The following ZEB2 variants were observed in gnomAD, a reference collection of about 807,000 sequenced individuals.
ZEB2 encodes the protein zinc finger E-box-binding homeobox 2.
Under a neutral mutation model 99.9 loss-of-function variants are expected in ZEB2, and 6 were observed. The observed-to-expected ratio is 0.06, with a 90% CI of 0.03 to 0.12. The LOEUF is 0.12. ZEB2 is among the 10% of genes least tolerant of loss of function. The probability of loss-of-function intolerance (pLI) is 1.00; values close to 1 mark genes in which losing one functional copy is unlikely to be tolerated. For synonymous variants in ZEB2, 517 were observed against 542.5 expected (o/e 0.95, Z 0.65); for missense variants, 969 against 1,502.8 (o/e 0.64, Z 5.87).
chr2:144,431,711 C>T (rs1359893546), intron 2 of ZEB2, among the ~76,000 whole-genome samples: 1 of 150,278 alleles, frequency 6.7e-6, no homozygotes, highest in Admixed American at 6.7e-5. Context: ...GCTGTGTGGT[C>T]CAGATATACC....
chr2:144,473,335 A>C (rs1704385070), intron 2 of ZEB2, among the ~76,000 whole-genome samples: 1 of 152,162 alleles, frequency 6.6e-6, no homozygotes, highest in Non-Finnish European at 1.5e-5. Context: ...CATGGTATTG[A>C]ATTTGCCAAA....
chr2:144,464,617 A>G (rs979008899), intron 2 of ZEB2, among the ~76,000 whole-genome samples: 5 of 152,196 alleles, frequency 3.3e-5, no homozygotes, highest in Non-Finnish European at 7.4e-5. Context: ...TACATTAATA[A>G]GCATAATTGT....
chr2:144,467,213 A>T (rs920809337), intron 2 of ZEB2, among the ~76,000 whole-genome samples: 4 of 152,030 alleles, frequency 2.6e-5, no homozygotes, highest in Admixed American at 6.6e-5. Context: ...AATAATTTTT[A>T]AAATGTGAAT....
intron 3 of ZEB2, chr2:144,426,468 C>G (rs1314444332): frequency 6.6e-6 from 1 of 151,210 alleles, no homozygotes; most frequent in Non-Finnish European, 1.5e-5. Flanking sequence ...CATCTGAGAG[C>G]ACATCAAGTC....
At chr2:144,464,817 C>T (rs1339356761) in intron 2 of ZEB2, among the ~76,000 whole-genome samples, 1 of 152,196 alleles carries the variant, frequency 6.6e-6, no homozygotes, top group Non-Finnish European at 1.5e-5. Context: ...CTTTTACATA[C>T]ATTCCAGACA....
intron 2 of ZEB2, among the ~76,000 whole-genome samples, chr2:144,474,349 C>T (rs1281872674): frequency 6.6e-6 from 1 of 152,162 alleles, no homozygotes; most frequent in Admixed American, 6.5e-5. Context: ...AACTCTTTTC[C>T]ATGTTAGCAC....
chr2:144,404,324 A>G (rs922501515), intron 5 of ZEB2, among the ~76,000 whole-genome samples, 194 bp from the exon 6 acceptor site: 5 of 132,366 alleles, frequency 3.8e-5, no homozygotes, highest in African/African-American at 1.1e-4. Flanking sequence ...GAATCAGCTC[A>G]CACTGTGCTC....
At chr2:144,401,065 GCACA>G in intron 7 of ZEB2, 130 bp downstream of exon 7, 1 of 791,934 alleles carries the variant, frequency 1.3e-6, no homozygotes, top group Non-Finnish European at 2.2e-6. Flanking sequence ...CACAAATCAG[GCACA>G]CAGAGTTGAT....
At chr2:144,503,408 C>T (rs551138766) in intron 2 of ZEB2, among the ~76,000 whole-genome samples, 38 of 152,294 alleles carry the variant, frequency 2.5e-4, no homozygotes, top group African/African-American at 8.7e-4. Flanking sequence ...AAAACTGTGC[C>T]GTCACACCAC....
At chr2:144,413,510 A>AT (rs544709698) in intron 4 of ZEB2, among the ~76,000 whole-genome samples, 62 of 152,192 alleles carry the variant, frequency 4.1e-4, no homozygotes, top group African/African-American at 1.4e-3. Context: ...CACTACTTCT[A>AT]TTTTTCTCTC....
intron 2 of ZEB2, among the ~76,000 whole-genome samples, chr2:144,430,271 A>G (rs1703752645): frequency 6.6e-6 from 1 of 152,222 alleles, no homozygotes; most frequent in Non-Finnish European, 1.5e-5. Flanking sequence ...AAAAAGCAAC[A>G]GAAACATAGA....
intron 2 of ZEB2, among the ~76,000 whole-genome samples, chr2:144,434,253 G>A (rs1222762788): frequency 2.0e-5 from 3 of 152,112 alleles, no homozygotes; most frequent in Admixed American, 2.0e-4. Context: ...CTACTCAAGC[G>A]TGCCAATAAA....
At chr2:144,518,814 A>G (rs1332245977) in intron 1 of ZEB2, 2 of 152,228 alleles carry the variant, frequency 1.3e-5, no homozygotes, top group East Asian at 1.9e-4. Context: ...TGGCCTGTCT[A>G]TATTCATCCT....
At chr2:144,434,202 C>T (rs1458970355) in intron 2 of ZEB2, among the ~76,000 whole-genome samples, 1 of 152,146 alleles carries the variant, frequency 6.6e-6, no homozygotes, top group East Asian at 1.9e-4. Context: ...TTATAGACAG[C>T]TAATTGTTAA....
chr2:144,432,806 TCTTAATAATGTAG>T (rs56795864), intron 2 of ZEB2, among the ~76,000 whole-genome samples: 9,900 of 152,214 alleles, frequency 0.065, 921 homozygotes, highest in African/African-American at 0.21. Context: ...GCAGAAGAGA[TCTTAATAATGTAG>T]CTTTGTCTCT....
chr2:144,392,142 A>G (rs559465283), intron 9 of ZEB2, among the ~76,000 whole-genome samples: 7 of 152,356 alleles, frequency 4.6e-5, no homozygotes, highest in African/African-American at 1.4e-4. Context: ...GAAATTATAG[A>G]TGAAAATTTT....
chr2:144,519,770 A>T, intron 1 of ZEB2, 169 bp downstream of exon 1: 1 of 350,748 alleles, frequency 2.9e-6, no homozygotes, highest in Non-Finnish European at 5.6e-6. Flanking sequence ...CTCTTGAGAA[A>T]AGCTTGCCAT....
intron 9 of ZEB2, among the ~76,000 whole-genome samples, chr2:144,390,887 A>G (rs1359457477): frequency 2.0e-5 from 3 of 152,200 alleles, no homozygotes; most frequent in Non-Finnish European, 4.4e-5. Context: ...AACACCTTCC[A>G]TAGCTGCCAT....
chr2:144,517,815 T>C (rs1705187712), intron 1 of ZEB2: 1 of 611,290 alleles, frequency 1.6e-6, no homozygotes. Flanking sequence ...CTTTTCGTTC[T>C]CATCTTTTCT....
Sources: allele counts gnomAD v4.1 joint callset (sites outside exome capture counted in the v4.1 genomes callset), GRCh38; gene constraint gnomAD v4.1.1; transcripts MANE v1.5; gene names NCBI Gene and HGNC (gene_info 2026-07-23, HGNC 2026-07-21).